The following DNAH11 variants were observed in gnomAD, a reference collection of about 807,000 sequenced individuals.
The protein encoded by DNAH11 is axonemal beta dynein heavy chain 11.
In DNAH11, 442 loss-of-function variants were observed where a neutral mutation model predicts 526.0. That is an observed-to-expected ratio of 0.84 (90% CI 0.78 to 0.91). The LOEUF is 0.91. Ranked by LOEUF, DNAH11 falls within the 40% of genes least tolerant of loss-of-function variation. The pLI is 0.00. For missense variants in DNAH11, 6,989 were observed against 5,448.7 expected, an observed-to-expected ratio of 1.28 and a Z score of -8.90; for synonymous variants, 2,461 against 1,935.9, an observed-to-expected ratio of 1.27 and a Z score of -7.12.
rs199629774 is a variant in DNAH11, at chr7:21,617,725, A to G, written c.4202A>G (p.Gln1401Arg). The G allele has an allele frequency of 1.5e-3, 2,482 of 1,613,138 alleles. 18 individuals are homozygous for G. The highest frequency in any genetic ancestry group is 0.011 in the South Asian group (1,008 of 90,922). The change falls in exon 23 of 82, where the codon CAG (glutamine) becomes CGG (arginine). Residue 1401 changes from glutamine to arginine, a missense_variant. Coordinates refer to ENST00000409508, the MANE Select transcript of DNAH11 (RefSeq NM_001277115.2). ...TCCCTGAGGGCCATCACAGAGTTAC[A>G]GAGCCCTGCCCTCAGGGACAGGCAT... ...TASLRAITEL[Q>R]SPALRDRHWH...
In DNAH11 at chr7:21,584,063, C is replaced by G. The variant is rs149306370; in HGVS notation, c.1710+2042C>G. Among the ~76,000 whole-genome samples, 1,378 of 152,282 alleles carry G rather than the reference C, an allele frequency of 9.0e-3. 13 individuals carry two copies. The highest frequency in any genetic ancestry group is 0.031 in the African/African-American group (1,271 of 41,554). On this transcript the variant is annotated intron_variant, in intron 9 of 81. Coordinates refer to ENST00000409508, the MANE Select transcript of DNAH11 (RefSeq NM_001277115.2). Reference sequence around the variant, plus strand: ...GAACCAGAAATACCATTTGACCTGGCAATACCATTACTGGGTATATACCCA... The same window carrying G: ...GAACCAGAAATACCATTTGACCTGGGAATACCATTACTGGGTATATACCCA...
chr7:21,884,716 G>A (rs954175463), intron 76 of DNAH11, among the ~76,000 whole-genome samples: 4 of 152,154 alleles, frequency 2.6e-5, no homozygotes, highest in South Asian at 2.1e-4. Context: ...CAGAGCTGAC[G>A]CTGTTATTCC....
intron 30 of DNAH11, among the ~76,000 whole-genome samples, chr7:21,661,180 T>A (rs78698545): frequency 0.11 from 16,260 of 152,144 alleles, 1,182 homozygotes; most frequent in African/African-American, 0.2. Context: ...CTTATTTTTT[T>A]AAAATTATCC....
At chr7:21,716,242 C>T (rs758193725) in intron 42 of DNAH11, among the ~76,000 whole-genome samples, 5 of 152,018 alleles carry the variant, frequency 3.3e-5, no homozygotes, top group African/African-American at 9.7e-5. Flanking sequence ...CCCAATAGGA[C>T]GCTACTGCCT....
At chr7:21,697,991 G>T in intron 35 of DNAH11, 84 bp from the exon 36 acceptor site, 5 of 1,360,572 alleles carry the variant, frequency 3.7e-6, no homozygotes, top group South Asian at 1.4e-5. Flanking sequence ...TTAAAATGTT[G>T]GTACGAAATA....
chr7:21,852,610 C>G lies in DNAH11; in HGVS notation c.11040C>G (p.Thr3680=), dbSNP rs544445231. Residue 3680 remains threonine (T), a synonymous_variant, in exon 67 of 82, where the codon ACC becomes ACG. Coordinates refer to ENST00000409508, the MANE Select transcript of DNAH11 (RefSeq NM_001277115.2). ...LVERLEATKT[T]VAEIEHKVIE... ...AGAGATTGGAGGCAACAAAGACCAC[C>G]GTGGCAGAGATAGAGCACAAGGTAG... 6.9e-6 allele frequency: 11 copies of G among 1,600,870 alleles called. No individual in the cohort carries two copies. The highest frequency in any genetic ancestry group is 8.5e-6 in the Non-Finnish European group (10 of 1,174,980).
chr7:21,583,232 A>C (rs929291959), intron 9 of DNAH11, among the ~76,000 whole-genome samples: 2 of 152,186 alleles, frequency 1.3e-5, no homozygotes, highest in Non-Finnish European at 2.9e-5. Flanking sequence ...CTGGTACCAA[A>C]ACAGATTGTA....
At chr7:21,688,067 A>C (rs1783458243) in intron 34 of DNAH11, among the ~76,000 whole-genome samples, 1 of 152,116 alleles carries the variant, frequency 6.6e-6, no homozygotes, top group African/African-American at 2.4e-5. Context: ...TTCTCCAAAA[A>C]ACCCAAAAGA....
intron 63 of DNAH11, among the ~76,000 whole-genome samples, chr7:21,816,079 A>G (rs1789776568): frequency 6.6e-6 from 1 of 152,086 alleles, no homozygotes; most frequent in Non-Finnish European, 1.5e-5. Flanking sequence ...TGAGCAAGAT[A>G]CTGAATTTTA....
intron 35 of DNAH11, among the ~76,000 whole-genome samples, chr7:21,696,988 T>C (rs1287276838): frequency 6.6e-6 from 1 of 152,102 alleles, no homozygotes; most frequent in Non-Finnish European, 1.5e-5. Flanking sequence ...ATGTGAAGAG[T>C]AATAACTGTG....
intron 56 of DNAH11, among the ~76,000 whole-genome samples, chr7:21,776,935 C>T (rs916701865): frequency 6.7e-6 from 1 of 149,792 alleles, no homozygotes; most frequent in Non-Finnish European, 1.5e-5. Flanking sequence ...TTTATTTGTA[C>T]GTGTGTGTGT....
intron 25 of DNAH11, among the ~76,000 whole-genome samples, chr7:21,632,358 C>G (rs1786657238): frequency 6.6e-6 from 1 of 152,228 alleles, no homozygotes; most frequent in African/African-American, 2.4e-5. Flanking sequence ...TTGCAAATTT[C>G]TGCAGTCAGG....
intron 46 of DNAH11, among the ~76,000 whole-genome samples, chr7:21,736,403 C>G (rs1476280953): frequency 6.6e-6 from 1 of 152,012 alleles, no homozygotes; most frequent in East Asian, 1.9e-4. Flanking sequence ...GAGGAAATCA[C>G]CGAAAGAGCT....
intron 68 of DNAH11, 32 bp downstream of exon 68, chr7:21,854,487 A>G: frequency 6.3e-7 from 1 of 1,593,530 alleles, no homozygotes; most frequent in Non-Finnish European, 8.5e-7. Flanking sequence ...AATATGGGAA[A>G]CTTTAGGAGT....
At chr7:21,872,392 A>T (rs1287885387) in intron 73 of DNAH11, among the ~76,000 whole-genome samples, 1 of 152,056 alleles carries the variant, frequency 6.6e-6, no homozygotes, top group African/African-American at 2.4e-5. Context: ...TTGCATTATT[A>T]TTTTGTTCCA....
chr7:21,637,370 A>T (rs1190606383), intron 26 of DNAH11, among the ~76,000 whole-genome samples: 1 of 152,166 alleles, frequency 6.6e-6, no homozygotes, highest in African/African-American at 2.4e-5. Flanking sequence ...GTGTGGGCCT[A>T]AAGTGGTGAC....
intron 74 of DNAH11, among the ~76,000 whole-genome samples, chr7:21,878,620 T>C (rs1321889214): frequency 6.6e-6 from 1 of 152,206 alleles, no homozygotes; most frequent in African/African-American, 2.4e-5. Context: ...AAAAATGGCC[T>C]AGTGATTTAG....
intron 49 of DNAH11, among the ~76,000 whole-genome samples, chr7:21,742,821 G>T (rs560577931): frequency 1.3e-5 from 2 of 152,038 alleles, no homozygotes; most frequent in African/African-American, 2.4e-5. Flanking sequence ...CTTTGTCTGC[G>T]CTTCCGTGAC....
chr7:21,784,015 A>C (rs1227880059), intron 57 of DNAH11, among the ~76,000 whole-genome samples: 1 of 152,238 alleles, frequency 6.6e-6, no homozygotes, highest in Non-Finnish European at 1.5e-5. Flanking sequence ...AAGTTAGCAA[A>C]AATTAGAGAA....
Sources: gnomAD v4.1 joint callset for allele counts (sites outside exome capture counted in the v4.1 genomes callset) on GRCh38, gnomAD v4.1.1 for gene constraint, MANE v1.5 for transcripts, NCBI Gene and HGNC (gene_info 2026-07-23, HGNC 2026-07-21) for gene names.